MSRA: variants seen among roughly 807,000 people sequenced by gnomAD.
The protein encoded by MSRA is methionine sulfoxide reductase A.
In MSRA, 54 loss-of-function variants were observed where a neutral mutation model predicts 31.3. The observed-to-expected ratio is 1.73, with a 90% CI of 1.39 to 2.17. The LOEUF is 2.17. Among genes scored for constraint, MSRA ranks in the 30% most tolerant of loss-of-function variants. The pLI, the probability that MSRA is intolerant of heterozygous loss-of-function variation, is 0.00. For synonymous variants in MSRA, 169 were observed against 116.5 expected (o/e 1.45, Z -2.90); for missense variants, 507 against 300.9 (o/e 1.69, Z -5.07).
intron 4 of MSRA, among the ~76,000 whole-genome samples, chr8:10,304,143 G>A (rs907341917): frequency 6.6e-6 from 1 of 152,088 alleles, no homozygotes; most frequent in Non-Finnish European, 1.5e-5. Flanking sequence ...CACCATGTTG[G>A]CCAGGCTGGT....
intron 1 of MSRA, among the ~76,000 whole-genome samples, chr8:10,056,924 C>A (rs867390549): frequency 1.3e-5 from 2 of 152,082 alleles, no homozygotes; most frequent in Non-Finnish European, 2.9e-5. Context: ...TTCTTTAGTG[C>A]GTTTAGATAA....
chr8:10,131,344 T>G (rs1232460957), intron 1 of MSRA, among the ~76,000 whole-genome samples: 1 of 152,212 alleles, frequency 6.6e-6, no homozygotes, highest in East Asian at 1.9e-4. Context: ...GAAAGCTACA[T>G]AGACAAAAGA....
intron 1 of MSRA, among the ~76,000 whole-genome samples, chr8:10,129,063 AGTT>A (rs1801708471): frequency 6.6e-6 from 1 of 152,184 alleles, no homozygotes; most frequent in African/African-American, 2.4e-5. Flanking sequence ...AACTCTTCGC[AGTT>A]CTATTTTATG....
At chr8:10,245,360 T>TAC in intron 3 of MSRA, 137 bp downstream of exon 3, 1 of 774,996 alleles carries the variant, frequency 1.3e-6, no homozygotes, top group Non-Finnish European at 2.0e-6. Flanking sequence ...TGTATATATA[T>TAC]ACTTGTGAGC....
chr8:10,336,430 T>A (rs898683877), intron 5 of MSRA, among the ~76,000 whole-genome samples: 25 of 150,682 alleles, frequency 1.7e-4, no homozygotes, highest in Non-Finnish European at 2.4e-4. Flanking sequence ...AAAAAAAAAA[T>A]TTTAATCCTT....
At chr8:10,272,031 C>G (rs1237948717) in intron 3 of MSRA, among the ~76,000 whole-genome samples, 1 of 152,146 alleles carries the variant, frequency 6.6e-6, no homozygotes, top group Non-Finnish European at 1.5e-5. Flanking sequence ...TAAAAATCCT[C>G]CAATTTAGCC....
intron 3 of MSRA, among the ~76,000 whole-genome samples, chr8:10,300,895 C>T (rs1273889261): frequency 6.6e-6 from 1 of 152,140 alleles, no homozygotes; most frequent in Non-Finnish European, 1.5e-5. Context: ...AACAGGCCTA[C>T]TTACAGAGGA....
Position 10,054,634 on chromosome 8 carries a change from C to G in MSRA, c.118C>G (p.Arg40Gly), listed in dbSNP as rs755928429. Residue 40 changes from arginine (R) to glycine (G), a missense_variant, in exon 1 of 6, where the codon CGG becomes GGG. Physicochemically the swap from Arg to Gly is moderately radical, Grantham distance 125. Coordinates refer to ENST00000317173, the MANE Select transcript of MSRA (RefSeq NM_012331.5). ...CAGCCCCCAGGAGGCCTTGCCGGGC[C>G]GGAAGGAACAGACCCCTGTAGCGGG... Reference protein sequence around the residue: ...IVSPQEALPGRKEQTPVAAKH... With the variant: ...IVSPQEALPGGKEQTPVAAKH... The G allele has an allele frequency of 2.5e-6, 4 of 1,575,944 alleles. No individual in the cohort carries two copies. Among genetic ancestry groups the G allele is most frequent in the Non-Finnish European group, 2.6e-6 (3 of 1,161,810 alleles).
At chr8:10,299,694 A>G (rs28602752) in intron 3 of MSRA, among the ~76,000 whole-genome samples, 5,810 of 152,256 alleles carry the variant, frequency 0.038, 276 homozygotes, top group African/African-American at 0.11. Flanking sequence ...ATAAAACAAT[A>G]GAATCCTATC....
At chr8:10,338,087 G>A (rs1424636143) in intron 5 of MSRA, among the ~76,000 whole-genome samples, 1 of 152,194 alleles carries the variant, frequency 6.6e-6, no homozygotes, top group Non-Finnish European at 1.5e-5. Flanking sequence ...TAGGACGTGT[G>A]AGGAATTAGG....
chr8:10,170,982 G>A (rs1323009384), intron 1 of MSRA, among the ~76,000 whole-genome samples: 1 of 152,196 alleles, frequency 6.6e-6, no homozygotes, highest in African/African-American at 2.4e-5. Context: ...GGTGAGAGTG[G>A]ATATCTTCCC....
intron 2 of MSRA, among the ~76,000 whole-genome samples, chr8:10,240,888 A>G (rs1208110743): frequency 6.6e-6 from 1 of 151,842 alleles, no homozygotes; most frequent in Non-Finnish European, 1.5e-5. Flanking sequence ...CTGGTTTTAC[A>G]GGATCGCCAC....
At chr8:10,059,823 G>A (rs1802606600) in intron 1 of MSRA, among the ~76,000 whole-genome samples, 2 of 152,138 alleles carry the variant, frequency 1.3e-5, no homozygotes, top group South Asian at 4.1e-4. Context: ...TAGACGTTAG[G>A]TTATGAACAG....
chr8:10,213,093 A>G (rs913881290), intron 2 of MSRA, among the ~76,000 whole-genome samples: 4 of 152,310 alleles, frequency 2.6e-5, no homozygotes, highest in East Asian at 1.9e-4. Flanking sequence ...ACTACTAACT[A>G]TAGTCACCCT....
At chr8:10,090,285 C>T (rs1563422831) in intron 1 of MSRA, among the ~76,000 whole-genome samples, 2 of 152,116 alleles carry the variant, frequency 1.3e-5, no homozygotes, top group Admixed American at 6.5e-5. Flanking sequence ...ACCAACAGAG[C>T]TGGCAGAAGG....
chr8:10,403,057 TC>T (rs1305289683), intron 5 of MSRA, among the ~76,000 whole-genome samples: 1 of 152,160 alleles, frequency 6.6e-6, no homozygotes, highest in East Asian at 1.9e-4. Flanking sequence ...TTGACACCTG[TC>T]TTGGCTCTGG....
chr8:10,386,760 T>C (rs1251320991), intron 5 of MSRA, among the ~76,000 whole-genome samples: 1 of 151,326 alleles, frequency 6.6e-6, no homozygotes, highest in Non-Finnish European at 1.5e-5. Flanking sequence ...GTTCTACTTC[T>C]AAAAATGAGG....
At chr8:10,142,749 TCTATTTTGTA>T (rs1202965777) in intron 1 of MSRA, among the ~76,000 whole-genome samples, 3 of 152,218 alleles carry the variant, frequency 2.0e-5, no homozygotes, top group African/African-American at 7.2e-5. Context: ...TTTGATAAGA[TCTATTTTGTA>T]AAGGAACTGC....
At chr8:10,230,496 A>T (rs1291145613) in intron 2 of MSRA, among the ~76,000 whole-genome samples, 2 of 152,218 alleles carry the variant, frequency 1.3e-5, no homozygotes, top group African/African-American at 2.4e-5. Flanking sequence ...GGGTTATAAA[A>T]GTAATGCATG....
Sources: gnomAD v4.1 joint callset for allele counts (sites outside exome capture counted in the v4.1 genomes callset) on GRCh38, gnomAD v4.1.1 for gene constraint, MANE v1.5 for transcripts, NCBI Gene and HGNC (gene_info 2026-07-23, HGNC 2026-07-21) for gene names.